CAPZA2: variants seen among roughly 807,000 people sequenced by gnomAD.
The protein encoded by CAPZA2 is F-actin-capping protein subunit alpha-2.
In CAPZA2, 13 loss-of-function variants were observed where a neutral mutation model predicts 44.0. That is an observed-to-expected ratio of 0.30 (90% CI 0.19 to 0.47). CAPZA2 has a LOEUF of 0.47. CAPZA2 is among the 20% of genes least tolerant of loss of function. CAPZA2 has a pLI of 1.00. For missense variants in CAPZA2, 244 were observed against 338.6 expected, an observed-to-expected ratio of 0.72 and a Z score of 2.19; for synonymous variants, 94 against 108.2, an observed-to-expected ratio of 0.87 and a Z score of 0.81.
chr7:116,901,885 G>A (rs75835184), intron 4 of CAPZA2, among the ~76,000 whole-genome samples: 19 of 148,110 alleles, frequency 1.3e-4, no homozygotes, highest in South Asian at 2.1e-4. Flanking sequence ...GAAGAAATGT[G>A]TGTGTGTGTG....
At chr7:116,893,485 A>G (rs1796878621) in intron 3 of CAPZA2, among the ~76,000 whole-genome samples, 1 of 152,188 alleles carries the variant, frequency 6.6e-6, no homozygotes, top group African/African-American at 2.4e-5. Context: ...TCAAGTTCAA[A>G]TGTGTATGAT....
At chr7:116,915,405 A>T (rs186578990) in intron 8 of CAPZA2, 1 of 152,160 alleles carries the variant, frequency 6.6e-6, no homozygotes, top group East Asian at 1.9e-4. Context: ...CTAATATGCC[A>T]GTTTGTGCTC....
chr7:116,872,525 T>C (rs1199165449), intron 1 of CAPZA2, among the ~76,000 whole-genome samples: 1 of 152,146 alleles, frequency 6.6e-6, no homozygotes, highest in East Asian at 1.9e-4. Flanking sequence ...TTAAAACAAA[T>C]TACCACTCTT....
intron 7 of CAPZA2, among the ~76,000 whole-genome samples, chr7:116,910,990 C>CAAAAAAAAAAAAAAAAAAAAAAAAAAA (rs57772383): frequency 2.0e-5 from 1 of 50,608 alleles, no homozygotes; most frequent in Non-Finnish European, 4.0e-5. Flanking sequence ...GACTCCGTCT[C>CAAAAAAAAAAAAAAAAAAAAAAAAAAA]AAAAAAAAAA....
At chr7:116,869,009 T>C (rs1796516396) in intron 1 of CAPZA2, among the ~76,000 whole-genome samples, 1 of 152,194 alleles carries the variant, frequency 6.6e-6, no homozygotes, top group African/African-American at 2.4e-5. Context: ...AATAATTGCA[T>C]GTTAGTGTGA....
intron 8 of CAPZA2, among the ~76,000 whole-genome samples, chr7:116,913,274 G>GTT (rs1444093791): frequency 6.6e-6 from 1 of 151,892 alleles, no homozygotes; most frequent in Non-Finnish European, 1.5e-5. Flanking sequence ...GAAGATTTTG[G>GTT]TTTTGATTTT....
intron 1 of CAPZA2, among the ~76,000 whole-genome samples, chr7:116,884,533 G>A (rs1340624051): frequency 2.6e-5 from 4 of 152,118 alleles, no homozygotes; most frequent in Non-Finnish European, 4.4e-5. Context: ...AACCTTTTGA[G>A]ATTGACTTAT....
intron 1 of CAPZA2, among the ~76,000 whole-genome samples, chr7:116,863,726 T>A (rs894747701): frequency 3.3e-5 from 5 of 152,024 alleles, no homozygotes; most frequent in African/African-American, 4.8e-5. Context: ...CACTCTTCGT[T>A]AAAGAGTGCT....
intron 1 of CAPZA2, among the ~76,000 whole-genome samples, chr7:116,877,484 A>G (rs1796637363): frequency 6.6e-6 from 1 of 152,212 alleles, no homozygotes; most frequent in Non-Finnish European, 1.5e-5. Context: ...TATATGTGGG[A>G]TGAGAAAGAA....
intron 3 of CAPZA2, 21 bp downstream of exon 3, chr7:116,893,066 T>C (rs1314813550): frequency 2.7e-6 from 4 of 1,481,290 alleles, no homozygotes; most frequent in South Asian, 2.4e-5. Flanking sequence ...TTTATCATAC[T>C]AACCTAACTA....
chr7:116,896,292 C>T (rs1460938803), intron 3 of CAPZA2, among the ~76,000 whole-genome samples: 1 of 152,062 alleles, frequency 6.6e-6, no homozygotes, highest in Admixed American at 6.6e-5. Flanking sequence ...GCAAAATTAG[C>T]CATACTGAAG....
intron 3 of CAPZA2, among the ~76,000 whole-genome samples, chr7:116,894,518 T>C (rs1796900013): frequency 6.6e-6 from 1 of 152,210 alleles, no homozygotes; most frequent in Admixed American, 6.6e-5. Context: ...ATTTCTGTTA[T>C]TTATAGCAGT....
In CAPZA2 at chr7:116,904,172, CA is replaced by C; in HGVS notation, c.220-2del. ...TTTTTTTCTAAATTCATTCCATCAT[CA>C]AAGGTATTGATAACAGAACATGGCG... On this transcript the variant is annotated splice_region_variant and splice_polypyrimidine_tract_variant and intron_variant, in intron 4 of 9. Coordinates refer to ENST00000361183, the MANE Select transcript of CAPZA2 (RefSeq NM_006136.3). 1 of 1,571,888 alleles carries C rather than the reference CA, an allele frequency of 6.4e-7. No homozygotes were observed. Among genetic ancestry groups the C allele is most frequent in the Non-Finnish European group, 8.7e-7 (1 of 1,148,110 alleles).
intron 5 of CAPZA2, among the ~76,000 whole-genome samples, chr7:116,904,970 A>T (rs1253379350): frequency 1.0e-5 from 1 of 100,212 alleles, no homozygotes; most frequent in African/African-American, 3.1e-5. Flanking sequence ...GTCTCTACTT[A>T]AAAAAAAAAA....
At chr7:116,891,987 T>C (rs532855383) in intron 2 of CAPZA2, among the ~76,000 whole-genome samples, 56 of 152,354 alleles carry the variant, frequency 3.7e-4, no homozygotes, top group African/African-American at 1.3e-3. Flanking sequence ...TCCAGTTCCC[T>C]GTTGTTCAAA....
At chr7:116,904,044 T>A in intron 4 of CAPZA2, 133 bp from the exon 5 acceptor site, 1 of 620,962 alleles carries the variant, frequency 1.6e-6, no homozygotes, top group Non-Finnish European at 2.8e-6. Context: ...TTGTACCATA[T>A]GGTTAAAATA....
At chr7:116,895,785 C>T (rs1385401310) in intron 3 of CAPZA2, among the ~76,000 whole-genome samples, 1 of 152,072 alleles carries the variant, frequency 6.6e-6, no homozygotes, top group Non-Finnish European at 1.5e-5. Flanking sequence ...AGAATATATA[C>T]TGTAAGTCAC....
intron 1 of CAPZA2, among the ~76,000 whole-genome samples, chr7:116,879,906 T>C (rs2115896985): frequency 6.6e-6 from 1 of 152,334 alleles, no homozygotes; most frequent in South Asian, 2.1e-4. Flanking sequence ...GTACAGAGTA[T>C]GGGGCAGAGG....
intron 3 of CAPZA2, among the ~76,000 whole-genome samples, chr7:116,895,183 A>T (rs1169490813): frequency 6.6e-6 from 1 of 152,096 alleles, no homozygotes; most frequent in Non-Finnish European, 1.5e-5. Context: ...TCTCTATGTT[A>T]AATAAGTTGT....
Sources: allele counts gnomAD v4.1 joint callset (sites outside exome capture counted in the v4.1 genomes callset), GRCh38; gene constraint gnomAD v4.1.1; transcripts MANE v1.5; gene names NCBI Gene and HGNC (gene_info 2026-07-23, HGNC 2026-07-21).